TANC2: variants seen among roughly 807,000 people sequenced by gnomAD.
TANC2 encodes the protein protein TANC2.
TANC2 carries 26 observed loss-of-function variants against 210.5 expected under a neutral mutation model. That is an observed-to-expected ratio of 0.12 (90% CI 0.09 to 0.17). TANC2 has a LOEUF of 0.17. Ranked by LOEUF, TANC2 falls within the 10% of genes least tolerant of loss-of-function variation. The probability of loss-of-function intolerance (pLI) is 1.00; values close to 1 mark genes in which losing one functional copy is unlikely to be tolerated. For missense variants in TANC2, 2,129 were observed against 2,608.9 expected (o/e 0.82, Z 4.01); for synonymous variants, 931 against 967.1 (o/e 0.96, Z 0.69).
chr17:63,203,681 T>A (rs1158190365), intron 7 of TANC2, among the ~76,000 whole-genome samples: 1 of 151,882 alleles, frequency 6.6e-6, no homozygotes, highest in African/African-American at 2.4e-5. Flanking sequence ...AAAAGAATAA[T>A]CTAAAGAAGG....
At chr17:63,319,059 A>T in exon 11 of TANC2, 22 of 1,613,492 alleles carry the variant, frequency 1.4e-5, no homozygotes, top group Non-Finnish European at 1.8e-5. Flanking sequence ...CGCAGGCGGC[A>T]GGAGGAGGCT....
rs368795159 is a variant in TANC2 at position 63,099,281 on chromosome 17, T to C, written c.246T>C (p.Ser82=). 4.4e-6 allele frequency: 7 copies of C among 1,590,546 alleles called. No homozygotes were observed. The African/African-American group carries it at 9.4e-5, about 21-fold the overall frequency. Residue 82 remains serine, a synonymous_variant, in exon 4 of 28, where the codon TCT becomes TCC. Coordinates refer to ENST00000689528, the Ensembl canonical transcript of TANC2. ...ACATTCGGATTATGGAGGGCATGTCTCGCTCTCTTCCATCCTCCCCCTTAC... is the reference window on the plus strand; with the variant it reads ...ACATTCGGATTATGGAGGGCATGTCCCGCTCTCTTCCATCCTCCCCCTTAC...
At chr17:63,216,697 T>G (rs931292211) in intron 7 of TANC2, among the ~76,000 whole-genome samples, 5 of 152,204 alleles carry the variant, frequency 3.3e-5, no homozygotes, top group Admixed American at 6.5e-5. Flanking sequence ...GCAAATTGAT[T>G]GTTGGGTGGC....
intron 9 of TANC2, among the ~76,000 whole-genome samples, chr17:63,312,784 AT>A (rs1425703141): frequency 6.6e-6 from 1 of 152,182 alleles, no homozygotes; most frequent in East Asian, 1.9e-4. Flanking sequence ...GAATCAGGGA[AT>A]TATAAGTGAC....
At chr17:63,132,875 A>G (rs974773550) in intron 4 of TANC2, among the ~76,000 whole-genome samples, 2 of 152,206 alleles carry the variant, frequency 1.3e-5, no homozygotes, top group Non-Finnish European at 2.9e-5. Context: ...ATTTTAGTCT[A>G]TGAGACAAAG....
intron 9 of TANC2, among the ~76,000 whole-genome samples, chr17:63,307,295 A>G (rs1283409682): frequency 6.6e-6 from 1 of 152,206 alleles, no homozygotes; most frequent in Non-Finnish European, 1.5e-5. Context: ...GGAGTAGTCG[A>G]TAAGAAGGAC....
At chr17:63,105,288 C>T (rs1238048055) in intron 4 of TANC2, among the ~76,000 whole-genome samples, 1 of 151,590 alleles carries the variant, frequency 6.6e-6, no homozygotes, top group African/African-American at 2.4e-5. Context: ...GTAAATAAGT[C>T]ACAATAACTG....
intron 15 of TANC2, among the ~76,000 whole-genome samples, chr17:63,387,320 A>C (rs2047816942): frequency 6.6e-6 from 1 of 152,102 alleles, no homozygotes; most frequent in African/African-American, 2.4e-5. Flanking sequence ...TAGTGTGAGA[A>C]TTCCCTCTAC....
At chr17:63,333,670 T>G (rs1046257369) in intron 11 of TANC2, among the ~76,000 whole-genome samples, 2 of 152,188 alleles carry the variant, frequency 1.3e-5, no homozygotes, top group African/African-American at 4.8e-5. Flanking sequence ...CTCCTATGGG[T>G]AAAATCCTAT....
At chr17:63,319,350 G>T (rs1305184857) in intron 11 of TANC2, among the ~76,000 whole-genome samples, 1 of 152,064 alleles carries the variant, frequency 6.6e-6, no homozygotes, top group Non-Finnish European at 1.5e-5. Context: ...GGGTTAGTTG[G>T]TTGGTTTGTT....
chr17:63,375,700 C>G (rs925058806), intron 14 of TANC2, among the ~76,000 whole-genome samples: 1 of 152,180 alleles, frequency 6.6e-6, no homozygotes, highest in African/African-American at 2.4e-5. Context: ...TAAGATACTT[C>G]ATAAATGCTT....
At chr17:63,130,513 C>CA (rs879278996) in intron 4 of TANC2, among the ~76,000 whole-genome samples, 2,241 of 110,986 alleles carry the variant, frequency 0.02, 43 homozygotes, top group African/African-American at 0.065. Flanking sequence ...CTCCATCTCA[C>CA]AAAAAAAAAA....
intron 9 of TANC2, among the ~76,000 whole-genome samples, chr17:63,283,045 C>A (rs926811259): frequency 1.3e-5 from 2 of 151,950 alleles, no homozygotes; most frequent in Admixed American, 6.6e-5. Flanking sequence ...TGAAAGGACA[C>A]AAATATTTTC....
chr17:63,171,360 G>A (rs917787327), intron 5 of TANC2, among the ~76,000 whole-genome samples: 1 of 152,050 alleles, frequency 6.6e-6, no homozygotes, highest in South Asian at 2.1e-4. Context: ...TGGGATTATA[G>A]GCATGAGCCA....
rs2045635260 is a variant in TANC2, at chr17:63,326,075, TAAAC to T, written c.1575+6987_1575+6990del. 2.0e-5 allele frequency among the ~76,000 whole-genome samples: 3 copies of T among 152,102 alleles called. No homozygotes were observed. The Admixed American group carries it at 2.0e-4, about 10-fold the overall frequency. On this transcript the variant is annotated intron_variant, in intron 11 of 27. Transcript: ENST00000689528. Reference sequence around the variant, plus strand: ...TTTAGATCTAGAATTATAACAAAGATAAACATTATCCTGATCTCAGCTACAGCTA... The same window carrying T: ...TTTAGATCTAGAATTATAACAAAGATATTATCCTGATCTCAGCTACAGCTA...
intron 15 of TANC2, among the ~76,000 whole-genome samples, chr17:63,386,825 C>G (rs1173480411): frequency 6.6e-6 from 1 of 151,678 alleles, no homozygotes; most frequent in Non-Finnish European, 1.5e-5. Context: ...ATGTAGAAGT[C>G]TTTTTTCCTT....
rs896843818 is a variant in TANC2 at position 63,319,226 on chromosome 17, T to A, written c.1575+136T>A. ...GAGAACGTGGAGGAAAGTTTCTCTT[T>A]CTTTGATATTCCTAGAAAAATACTT... On this transcript the variant is annotated intron_variant, in intron 11 of 27. Coordinates refer to ENST00000689528, the Ensembl canonical transcript of TANC2. The A allele has an allele frequency of 1.4e-5, 13 of 907,662 alleles. No individual in the cohort carries two copies. In the African/African-American group the frequency reaches 2.0e-4, roughly 14 times the overall value. 56.2% of individuals were successfully genotyped at this position (907,662 alleles called of 1,614,324 possible).
chr17:63,283,209 A>G (rs1163214462), intron 9 of TANC2, among the ~76,000 whole-genome samples: 1 of 151,838 alleles, frequency 6.6e-6, no homozygotes, highest in Non-Finnish European at 1.5e-5. Context: ...TTGTTCCCGC[A>G]CCATTTGTTG....
intron 2 of TANC2, among the ~76,000 whole-genome samples, chr17:63,046,248 C>T (rs2035373863): frequency 6.6e-6 from 1 of 150,604 alleles, no homozygotes; most frequent in East Asian, 1.9e-4. Flanking sequence ...CAACCTCCGC[C>T]TCCTGGGTTT....
Sources: allele counts gnomAD v4.1 joint callset (sites outside exome capture counted in the v4.1 genomes callset), GRCh38; gene constraint gnomAD v4.1.1; transcripts MANE v1.5; gene names NCBI Gene and HGNC (gene_info 2026-07-23, HGNC 2026-07-21).